Variants in PRIM2 observed in about 807,000 individuals in gnomAD.
PRIM2 encodes DNA primase subunit 2, also known as DNA primase large subunit.
In PRIM2, 39 loss-of-function variants were observed where a neutral mutation model predicts 67.3. That is an observed-to-expected ratio of 0.58 (90% CI 0.45 to 0.76). The LOEUF is 0.76. Ranked by LOEUF, PRIM2 falls within the 30% of genes least tolerant of loss-of-function variation. The pLI is 0.00. For missense variants in PRIM2, 398 were observed against 598.7 expected (o/e 0.66, Z 3.50); for synonymous variants, 143 against 198.7 (o/e 0.72, Z 2.36).
intron 10 of PRIM2, among the ~76,000 whole-genome samples, chr6:57,552,027 A>G (rs1775414679): frequency 1.3e-5 from 2 of 152,098 alleles, no homozygotes; most frequent in Non-Finnish European, 1.5e-5. Context: ...ATTAACAGAC[A>G]CTGGATCTTA....
chr6:57,462,891 C>T (rs1158106479), intron 7 of PRIM2, among the ~76,000 whole-genome samples: 9 of 152,272 alleles, frequency 5.9e-5, no homozygotes, highest in South Asian at 2.1e-4. Context: ...TTAACTGCTT[C>T]GTAGAGAAGC....
chr6:57,262,245 G>C, the PRIM2 span, among the ~76,000 whole-genome samples: 1 of 152,126 alleles, frequency 6.6e-6, no homozygotes, highest in South Asian at 2.1e-4. Flanking sequence ...GTGGAAAGGG[G>C]ATAATGATGA....
At chr6:57,545,477 C>CTGGA (rs1482871408) in intron 10 of PRIM2, among the ~76,000 whole-genome samples, 129 of 152,258 alleles carry the variant, frequency 8.5e-4, no homozygotes, top group African/African-American at 3.1e-3. Flanking sequence ...GTTGCCCAGG[C>CTGGA]TGGAGTGCAG....
chr6:57,392,130 T>A (rs1227757244), intron 7 of PRIM2, among the ~76,000 whole-genome samples: 1 of 152,166 alleles, frequency 6.6e-6, no homozygotes, highest in Non-Finnish European at 1.5e-5. Context: ...ATTCTTTTTG[T>A]GGCAATTGTG....
At chr6:57,456,090 C>A (rs1351854620) in intron 7 of PRIM2, among the ~76,000 whole-genome samples, 5 of 152,184 alleles carry the variant, frequency 3.3e-5, no homozygotes, top group African/African-American at 1.2e-4. Flanking sequence ...AAATTCTTTT[C>A]TTTAAGAATG....
At chr6:57,236,739 A>T in the PRIM2 span, among the ~76,000 whole-genome samples, 1 of 152,224 alleles carries the variant, frequency 6.6e-6, no homozygotes, top group Non-Finnish European at 1.5e-5. Context: ...TACAAAGGAC[A>T]TGAACTCATC....
chr6:57,574,252 A>G (rs1177365880), intron 10 of PRIM2, among the ~76,000 whole-genome samples: 1 of 152,246 alleles, frequency 6.6e-6, no homozygotes, highest in East Asian at 1.9e-4. Flanking sequence ...TCATTTACAT[A>G]GGGTGTAACC....
rs1248716302 is a variant in PRIM2 at position 57,401,547 on chromosome 6, G to T, written c.693+19379G>T. On this transcript the variant is annotated intron_variant, in intron 7 of 13. Transcript: ENST00000615550. ...GTGTGGGGTCCTCTCCCCTTTGAGT[G>T]CTGGCTGTAGATTGCAGCTTGGCAC... Among the ~76,000 whole-genome samples the T allele has an allele frequency of 7.2e-5, 11 of 152,152 alleles. No individual in the cohort carries two copies. The East Asian group carries it at 1.9e-3, about 27-fold the overall frequency.
chr6:57,473,933 G>A (rs1773400866), intron 7 of PRIM2, among the ~76,000 whole-genome samples: 2 of 151,450 alleles, frequency 1.3e-5, no homozygotes, highest in African/African-American at 4.9e-5. Context: ...ATCACATTTC[G>A]ACTTAGAAAA....
At chr6:57,584,963 A>C (rs1776162484) in intron 10 of PRIM2, among the ~76,000 whole-genome samples, 2 of 152,236 alleles carry the variant, frequency 1.3e-5, no homozygotes, top group African/African-American at 4.8e-5. Context: ...GCCTGTAAAC[A>C]GTTCTCACCG....
intron 12 of PRIM2, among the ~76,000 whole-genome samples, chr6:57,620,776 G>T (rs1415863915): frequency 1.2e-4 from 19 of 152,324 alleles, no homozygotes; most frequent in Non-Finnish European, 2.1e-4. Flanking sequence ...CACTTAAAAG[G>T]TACAGAACTG....
At chr6:57,222,927 C>T in the PRIM2 span, among the ~76,000 whole-genome samples, 1 of 152,156 alleles carries the variant, frequency 6.6e-6, no homozygotes, top group Non-Finnish European at 1.5e-5. Flanking sequence ...CCTATGGCCC[C>T]GCAGTTCCAC....
intron 10 of PRIM2, among the ~76,000 whole-genome samples, chr6:57,566,694 G>A (rs1581994099): frequency 1.3e-5 from 2 of 152,152 alleles, no homozygotes; most frequent in Non-Finnish European, 1.5e-5. Flanking sequence ...GTTGTTGTAC[G>A]TATAGCTTTA....
At chr6:57,380,134 T>G in intron 6 of PRIM2, 138 bp downstream of exon 6, 1 of 658,464 alleles carries the variant, frequency 1.5e-6, no homozygotes. Flanking sequence ...CTGTCCTCAT[T>G]GCACTAATGG....
At chr6:57,361,007 G>A (rs1350077747) in intron 5 of PRIM2, among the ~76,000 whole-genome samples, 1 of 152,136 alleles carries the variant, frequency 6.6e-6, no homozygotes, top group Non-Finnish European at 1.5e-5. Context: ...TAGGAGAACA[G>A]GCTTTGGAAG....
the PRIM2 span, among the ~76,000 whole-genome samples, chr6:57,295,693 T>C: frequency 6.6e-6 from 1 of 152,208 alleles, no homozygotes; most frequent in South Asian, 2.1e-4. Context: ...CCCTCCTGAG[T>C]GCCAAATCTT....
intron 7 of PRIM2, among the ~76,000 whole-genome samples, chr6:57,486,707 G>A (rs1344453888): frequency 7.2e-5 from 11 of 152,206 alleles, no homozygotes; most frequent in Non-Finnish European, 1.2e-4. Context: ...CGCATTAAAC[G>A]ACAAACCTAG....
At chr6:57,231,244 A>C in the PRIM2 span, among the ~76,000 whole-genome samples, 1 of 152,218 alleles carries the variant, frequency 6.6e-6, no homozygotes, top group Non-Finnish European at 1.5e-5. Context: ...ATACTTAAAA[A>C]AGTTTTTACT....
chr6:57,535,474 T>C (rs1774985074), intron 9 of PRIM2, among the ~76,000 whole-genome samples: 1 of 152,262 alleles, frequency 6.6e-6, no homozygotes, highest in South Asian at 2.1e-4. Context: ...ATAATTGTGG[T>C]GTCTTTTTCC....
Sources: allele counts gnomAD v4.1 joint callset (sites outside exome capture counted in the v4.1 genomes callset), GRCh38; gene constraint gnomAD v4.1.1; transcripts MANE v1.5; gene names NCBI Gene and HGNC (gene_info 2026-07-23, HGNC 2026-07-21).